TMTC1: variants seen among roughly 807,000 people sequenced by gnomAD.
The protein encoded by TMTC1 is protein O-mannosyl-transferase TMTC1.
A neutral mutation model predicts 104.8 loss-of-function variants in TMTC1; 73 were observed. That is an observed-to-expected ratio of 0.70 (90% CI 0.58 to 0.85). TMTC1 has a LOEUF of 0.85. Ranked by LOEUF, TMTC1 falls within the 40% of genes least tolerant of loss-of-function variation. TMTC1 has a pLI of 0.00. For missense variants in TMTC1, 1,035 were observed against 1,096.1 expected (o/e 0.94, Z 0.79); for synonymous variants, 434 against 428.7 (o/e 1.01, Z -0.15).
intron 11 of TMTC1, chr12:29,535,990 G>A (rs781564801): frequency 1.9e-6 from 1 of 527,770 alleles, no homozygotes; most frequent in Non-Finnish European, 3.3e-6. Flanking sequence ...TATATCAATG[G>A]CCAATAACGG....
At chr12:29,627,261 A>G (rs73268042) in intron 6 of TMTC1, among the ~76,000 whole-genome samples, 6,696 of 152,234 alleles carry the variant, frequency 0.044, 497 homozygotes, top group African/African-American at 0.15. Context: ...ACAACTCAAC[A>G]ACAAAAAAGA....
intron 5 of TMTC1, among the ~76,000 whole-genome samples, chr12:29,696,565 CA>C (rs1941430303): frequency 6.6e-6 from 1 of 152,208 alleles, no homozygotes; most frequent in African/African-American, 2.4e-5. Context: ...GCAACATTAA[CA>C]ATACCAATGT....
At chr12:29,747,926 G>A (rs1021683813) in intron 5 of TMTC1, among the ~76,000 whole-genome samples, 3 of 152,182 alleles carry the variant, frequency 2.0e-5, no homozygotes, top group Non-Finnish European at 4.4e-5. Flanking sequence ...CACTCTGTCT[G>A]CAGAGTCAGA....
At chr12:29,638,046 G>A (rs1938644070) in intron 5 of TMTC1, among the ~76,000 whole-genome samples, 1 of 152,130 alleles carries the variant, frequency 6.6e-6, no homozygotes, top group South Asian at 2.1e-4. Context: ...TGATACCGCT[G>A]ACATGGGAGG....
chr12:29,734,336 T>C (rs1032324067), intron 5 of TMTC1, among the ~76,000 whole-genome samples: 7 of 152,192 alleles, frequency 4.6e-5, no homozygotes, highest in African/African-American at 7.2e-5. Flanking sequence ...ACCTGAAGAA[T>C]AACTGGTATG....
intron 6 of TMTC1, among the ~76,000 whole-genome samples, chr12:29,617,349 G>A (rs768870944): frequency 2.6e-5 from 4 of 151,996 alleles, no homozygotes; most frequent in Non-Finnish European, 5.9e-5. Flanking sequence ...GAAAAACCTG[G>A]TCATTGATTA....
intron 5 of TMTC1, among the ~76,000 whole-genome samples, chr12:29,689,987 C>A (rs1461767219): frequency 2.0e-5 from 3 of 152,186 alleles, no homozygotes; most frequent in Non-Finnish European, 4.4e-5. Flanking sequence ...ATTGTACCCC[C>A]AACAGCCATG....
At chr12:29,661,214 A>G (rs1216441156) in intron 5 of TMTC1, 4 of 279,794 alleles carry the variant, frequency 1.4e-5, no homozygotes, top group Non-Finnish European at 2.2e-5. Context: ...AGCTATAAAT[A>G]TTACTATCCC....
chr12:29,685,805 T>G (rs994159312), intron 5 of TMTC1, among the ~76,000 whole-genome samples: 1 of 152,116 alleles, frequency 6.6e-6, no homozygotes, highest in Non-Finnish European at 1.5e-5. Context: ...AATTCAAATT[T>G]TGTAAGATAG....
intron 5 of TMTC1, among the ~76,000 whole-genome samples, chr12:29,647,917 C>A (rs751146746): frequency 6.6e-6 from 1 of 152,164 alleles, no homozygotes; most frequent in Non-Finnish European, 1.5e-5. Context: ...GTCCTATCCC[C>A]TTCAAACTGG....
chr12:29,681,174 T>C (rs1397678952), intron 5 of TMTC1, among the ~76,000 whole-genome samples: 1 of 149,750 alleles, frequency 6.7e-6, no homozygotes, highest in Non-Finnish European at 1.5e-5. Flanking sequence ...TGAAGTCATA[T>C]AAAGTAACTT....
chr12:29,547,128 A>G (rs1371062597), intron 10 of TMTC1, among the ~76,000 whole-genome samples: 2 of 152,162 alleles, frequency 1.3e-5, no homozygotes, highest in African/African-American at 2.4e-5. Context: ...GGCCTGTTTA[A>G]TTATCCTCTG....
intron 5 of TMTC1, among the ~76,000 whole-genome samples, chr12:29,716,419 C>T (rs1301364381): frequency 1.3e-5 from 2 of 151,990 alleles, no homozygotes; most frequent in Admixed American, 1.3e-4. Context: ...TACTCAGGCT[C>T]CAGAGTATGT....
chr12:29,761,330 T>C (rs1034326599), intron 2 of TMTC1, among the ~76,000 whole-genome samples: 2 of 151,742 alleles, frequency 1.3e-5, no homozygotes, highest in African/African-American at 4.8e-5. Context: ...TACTGTCAAA[T>C]GCTTCAGAAA....
At chr12:29,642,962 A>C (rs1938929464) in intron 5 of TMTC1, among the ~76,000 whole-genome samples, 1 of 151,806 alleles carries the variant, frequency 6.6e-6, no homozygotes, top group South Asian at 2.1e-4. Context: ...CAAACAAAAA[A>C]ACCCATCAAA....
At chr12:29,674,100 C>T (rs759886) in intron 5 of TMTC1, among the ~76,000 whole-genome samples, 21,073 of 151,972 alleles carry the variant, frequency 0.14, 1,763 homozygotes, top group East Asian at 0.35. Flanking sequence ...GTTATGCTCT[C>T]GAAGGACAGT....
At chr12:29,731,964 A>G (rs959772525) in intron 5 of TMTC1, among the ~76,000 whole-genome samples, 1 of 152,208 alleles carries the variant, frequency 6.6e-6, no homozygotes, top group Non-Finnish European at 1.5e-5. Flanking sequence ...AAAGATATGT[A>G]TTATGATTAT....
chr12:29,734,575 A>G (rs573016628), intron 5 of TMTC1, among the ~76,000 whole-genome samples: 49 of 152,222 alleles, frequency 3.2e-4, no homozygotes, highest in Non-Finnish European at 6.2e-4. Flanking sequence ...ATATAGACAC[A>G]GATAGATCCA....
chr12:29,624,381 T>C (rs1321738060), intron 6 of TMTC1, among the ~76,000 whole-genome samples: 1 of 151,788 alleles, frequency 6.6e-6, no homozygotes, highest in Non-Finnish European at 1.5e-5. Context: ...GGAAGAAGTA[T>C]GGCAAGGGAA....
Sources: gnomAD v4.1 joint callset for allele counts (sites outside exome capture counted in the v4.1 genomes callset) on GRCh38, gnomAD v4.1.1 for gene constraint, MANE v1.5 for transcripts, NCBI Gene and HGNC (gene_info 2026-07-23, HGNC 2026-07-21) for gene names.